Variants in NFAT5 observed in about 807,000 individuals in gnomAD.
NFAT5 encodes nuclear factor of activated T-cells 5.
NFAT5 carries 31 observed loss-of-function variants against 166.5 expected under a neutral mutation model. That is an observed-to-expected ratio of 0.19 (90% CI 0.14 to 0.25). The LOEUF (loss-of-function observed/expected upper bound fraction) is 0.25. NFAT5 is among the 10% of genes least tolerant of loss of function. NFAT5 has a pLI of 1.00. For missense variants in NFAT5, 1,449 were observed against 1,821.8 expected, an observed-to-expected ratio of 0.80 and a Z score of 3.72; for synonymous variants, 612 against 639.7, an observed-to-expected ratio of 0.96 and a Z score of 0.65.
intron 10 of NFAT5, among the ~76,000 whole-genome samples, chr16:69,680,672 G>A (rs576479490): frequency 6.6e-6 from 1 of 152,272 alleles, no homozygotes; most frequent in South Asian, 2.1e-4. Context: ...TGCAAACTTT[G>A]TAATACAATC....
chr16:69,683,715 G>A (rs553457305), intron 10 of NFAT5, among the ~76,000 whole-genome samples: 3 of 152,106 alleles, frequency 2.0e-5, no homozygotes, highest in Non-Finnish European at 4.4e-5. Flanking sequence ...CAGCACTTTG[G>A]GAGGCCAAGG....
chr16:69,589,142 G>T (rs1041583918), intron 2 of NFAT5, among the ~76,000 whole-genome samples: 1 of 151,982 alleles, frequency 6.6e-6, no homozygotes, highest in Non-Finnish European at 1.5e-5. Context: ...TTACAGGCAT[G>T]TGCCACCACG....
In NFAT5 at chr16:69,626,517, T is replaced by C; in HGVS notation, c.242T>C (p.Val81Ala). ...GGEAGSPPPA[V>A]VAADASSAPS... ...GAGGCAGGCTCGCCTCCTCCAGCTG[T>C]TGTTGCTGCTGGTATGCATTTCATT... The change falls in exon 3 of 15, where the codon GTT (valine) becomes GCT (alanine). Residue 81 changes from valine to alanine, a missense_variant. Physicochemically the swap from Val to Ala is moderately conservative, Grantham distance 64 (BLOSUM62 0). Transcript: ENST00000349945. 1 of 1,560,524 alleles carries C rather than the reference T, an allele frequency of 6.4e-7. No homozygotes were observed. Among genetic ancestry groups the C allele is most frequent in the South Asian group, 1.2e-5 (1 of 81,406 alleles).
chr16:69,689,892 A>G (rs2151714464), intron 11 of NFAT5, among the ~76,000 whole-genome samples: 1 of 152,330 alleles, frequency 6.6e-6, no homozygotes, highest in Non-Finnish European at 1.5e-5. Flanking sequence ...TTATGAAGGG[A>G]GCGATCCAAC....
At chr16:69,657,395 G>T (rs2035926570) in intron 6 of NFAT5, among the ~76,000 whole-genome samples, 2 of 151,702 alleles carry the variant, frequency 1.3e-5, no homozygotes. Flanking sequence ...CTCCCAAAGT[G>T]CTGGGATTAC....
Position 69,670,018 on chromosome 16 carries a change from C to T in NFAT5, c.1411C>T (p.His471Tyr). 1.2e-6 allele frequency: 2 copies of T among 1,611,602 alleles called. No individual in the cohort carries two copies. The highest frequency in any genetic ancestry group is 1.7e-6 in the Non-Finnish European group (2 of 1,179,156). Residue 471 changes from histidine to tyrosine, a missense_variant, in exon 8 of 15, where the codon CAT becomes TAT. Physicochemically the swap from His to Tyr is moderately conservative, Grantham distance 83 (BLOSUM62 2). This residue lies in a region of NFAT5 where 245 missense variants were observed against 366.6 expected (regional missense o/e 0.67). Transcript: ENST00000349945. ...GCCAGAAATCTTAAAGAAAAGCTTG[C>T]ATAGCTGTTCAGTGAAAGGAGAAGA... The part of the protein sequence containing the change: ...GVPEILKKSL[H>Y]SCSVKGEEEV...
At chr16:69,577,224 T>C (rs2016811485) in intron 2 of NFAT5, among the ~76,000 whole-genome samples, 1 of 152,144 alleles carries the variant, frequency 6.6e-6, no homozygotes, top group African/African-American at 2.4e-5. Flanking sequence ...AAAACAAACG[T>C]CTATAAAGGA....
intron 2 of NFAT5, among the ~76,000 whole-genome samples, chr16:69,573,910 G>T (rs189279940): frequency 0.016 from 1,782 of 109,936 alleles, 17 homozygotes; most frequent in Middle Eastern, 0.068. Flanking sequence ...TTTCGCTCTT[G>T]TTGCCCAGGC....
rs2037924515 is a variant in NFAT5, at chr16:69,703,026, CTAATA to C, written c.*6680_*6684del. 6.6e-6 allele frequency: 1 copy of C among 152,560 alleles called. No homozygotes were observed. The highest frequency in any genetic ancestry group is 1.5e-5 in the Non-Finnish European group (1 of 68,016). The allele number at this position is 152,560 out of a possible 1,614,324, so 9.5% of individuals were successfully genotyped here. On this transcript the variant is annotated 3_prime_UTR_variant, in exon 15 of 15. Coordinates refer to ENST00000349945, the MANE Select transcript of NFAT5 (RefSeq NM_138713.4). The stretch of plus-strand genomic sequence containing the variant: ...TTTAATTGTTATGACATTTAAGTAG[CTAATA>C]TAATTGACCGGTGCTAAAGTCTCCT...
At chr16:69,574,140 G>A (rs2016601936) in intron 2 of NFAT5, among the ~76,000 whole-genome samples, 2 of 151,828 alleles carry the variant, frequency 1.3e-5, no homozygotes, top group Admixed American at 1.3e-4. Context: ...CAAAGTGCTG[G>A]GATTACAGGC....
chr16:69,589,990 C>G (rs892609615), intron 2 of NFAT5, among the ~76,000 whole-genome samples: 1 of 151,922 alleles, frequency 6.6e-6, no homozygotes, highest in Non-Finnish European at 1.5e-5. Context: ...GACCAACCCC[C>G]CTCCCCAACT....
intron 2 of NFAT5, among the ~76,000 whole-genome samples, chr16:69,572,156 CT>C (rs2016482013): frequency 6.6e-6 from 1 of 152,160 alleles, no homozygotes; most frequent in African/African-American, 2.4e-5. Context: ...CAGTGCTAGT[CT>C]TTCTTGCAAC....
intron 2 of NFAT5, among the ~76,000 whole-genome samples, chr16:69,605,554 T>C (rs1158248798): frequency 6.6e-6 from 1 of 152,272 alleles, no homozygotes; most frequent in Non-Finnish European, 1.5e-5. Context: ...ATTGAACTTT[T>C]GGTTTTTGAG....
Position 69,693,684 on chromosome 16 carries a change from T to C in NFAT5, c.3859T>C (p.Leu1287=). 6.2e-7 allele frequency: 1 copy of C among 1,614,148 alleles called. No individual in the cohort carries two copies. The highest frequency in any genetic ancestry group is 2.2e-5 in the East Asian group (1 of 44,880). ...QQQQQQQQSI[L]FSNQNTMATM... ...GCAGCAGCAACAACAACAGAGCATT[T>C]TATTCAGTAATCAGAATACCATGGC... Residue 1287 remains leucine, a synonymous_variant, in exon 13 of 15, where the codon TTA becomes CTA. Transcript: ENST00000349945.
intron 3 of NFAT5, among the ~76,000 whole-genome samples, chr16:69,639,866 T>C (rs540142804): frequency 3.0e-4 from 46 of 152,262 alleles, no homozygotes; most frequent in African/African-American, 1.1e-3. Context: ...ACAGAACAAA[T>C]TGGTGAATAA....
intron 14 of NFAT5, 186 bp downstream of exon 14, chr16:69,695,565 C>T (rs1261362944): frequency 1.1e-5 from 6 of 547,752 alleles, no homozygotes; most frequent in Middle Eastern, 5.0e-4. Flanking sequence ...CAGACCAGGC[C>T]GGGCGTGGTG....
intron 2 of NFAT5, among the ~76,000 whole-genome samples, chr16:69,583,322 C>T (rs1369008093): frequency 6.6e-6 from 1 of 151,820 alleles, no homozygotes; most frequent in Non-Finnish European, 1.5e-5. Context: ...GCCTCAGCCT[C>T]CTGAGTAGCT....
intron 10 of NFAT5, among the ~76,000 whole-genome samples, chr16:69,679,835 C>T (rs148242236): frequency 3.9e-4 from 59 of 152,204 alleles, no homozygotes; most frequent in African/African-American, 1.4e-3. Context: ...TAATAGTTGG[C>T]TGGGCATGGT....
At position 69,676,536 on chromosome 16, in the gene NFAT5, C is replaced by A. The variant is rs1042030615; in HGVS notation, c.1558-667C>A. On this transcript the variant is annotated intron_variant, in intron 9 of 14. Coordinates refer to ENST00000349945, the MANE Select transcript of NFAT5 (RefSeq NM_138713.4). Reference sequence around the variant, plus strand: ...TTTTTTTTCTAATAATTTATTCATTCTTTTATTCAATATGTACCTTATGTA... The same window carrying A: ...TTTTTTTTCTAATAATTTATTCATTATTTTATTCAATATGTACCTTATGTA... Among the ~76,000 whole-genome samples, 15 of 152,170 alleles carry A rather than the reference C, an allele frequency of 9.9e-5. 2 individuals carry two copies. Among genetic ancestry groups the A allele is most frequent in the East Asian group, 3.9e-4 (2 of 5,188 alleles).
Sources: gnomAD v4.1 joint callset for allele counts (sites outside exome capture counted in the v4.1 genomes callset) on GRCh38, gnomAD v4.1.1 for gene constraint, gnomAD v4.1.1 regional missense constraint, MANE v1.5 for transcripts, NCBI Gene and HGNC (gene_info 2026-07-23, HGNC 2026-07-21) for gene names.